ARK2N: variants seen among roughly 807,000 people sequenced by gnomAD.
The protein encoded by ARK2N is protein ARK2N.
chr18:46,193,811 C>A, the ARK2N span, among the ~76,000 whole-genome samples: 1 of 151,870 alleles, frequency 6.6e-6, no homozygotes, highest in Non-Finnish European at 1.5e-5. Flanking sequence ...GTTGGCCAGA[C>A]TGGTCTTGAA....
At chr18:46,210,152 CTG>C in the ARK2N span, among the ~76,000 whole-genome samples, 2 of 152,136 alleles carry the variant, frequency 1.3e-5, no homozygotes, top group African/African-American at 4.8e-5. Flanking sequence ...AGGAGAAAGA[CTG>C]AGTTTGAAGA....
chr18:46,235,416 G>A, the ARK2N span, among the ~76,000 whole-genome samples: 9 of 152,182 alleles, frequency 5.9e-5, no homozygotes, highest in Non-Finnish European at 5.9e-5. Context: ...ACATGCAAAA[G>A]TAAGCAAACA....
the ARK2N span, among the ~76,000 whole-genome samples, chr18:46,204,908 C>CTTTCT: frequency 2.0e-5 from 3 of 148,698 alleles, no homozygotes; most frequent in East Asian, 2.0e-4. Flanking sequence ...TTTTTCCCTG[C>CTTTCT]TTTCTTTTCT....
chr18:46,265,790 T>A, the ARK2N span: 1 of 152,372 alleles, frequency 6.6e-6, no homozygotes, highest in Non-Finnish European at 1.5e-5. Flanking sequence ...TTTAAAGGGG[T>A]TTTTCTTAAT....
At chr18:46,221,275 G>A in the ARK2N span, among the ~76,000 whole-genome samples, 1 of 150,898 alleles carries the variant, frequency 6.6e-6, no homozygotes, top group Admixed American at 6.6e-5. Flanking sequence ...TGCTGGTGTG[G>A]TGTCTCATGC....
At chr18:46,252,267 GT>G in the ARK2N span, among the ~76,000 whole-genome samples, 180 of 151,214 alleles carry the variant, frequency 1.2e-3, 4 homozygotes, top group East Asian at 0.033. Flanking sequence ...AGAGTTGCAT[GT>G]AAAATTTTCT....
At chr18:46,265,326 A>G in the ARK2N span, 2 of 152,624 alleles carry the variant, frequency 1.3e-5, no homozygotes, top group African/African-American at 2.4e-5. Flanking sequence ...TGTTAACCAC[A>G]TATTTTTTTT....
chr18:46,187,967 C>T, the ARK2N span, among the ~76,000 whole-genome samples: 1 of 152,178 alleles, frequency 6.6e-6, no homozygotes, highest in Admixed American at 6.6e-5. Flanking sequence ...TGCTTAATAA[C>T]TCCCTCTTCC....
the ARK2N span, among the ~76,000 whole-genome samples, chr18:46,175,227 G>A: frequency 6.6e-6 from 1 of 150,824 alleles, no homozygotes; most frequent in Non-Finnish European, 1.5e-5. Context: ...TTTCTGTTTG[G>A]ATGGGTTTTT....
the ARK2N span, among the ~76,000 whole-genome samples, chr18:46,237,805 A>AC: frequency 2.6e-5 from 4 of 152,218 alleles, no homozygotes; most frequent in African/African-American, 9.6e-5. Flanking sequence ...TGGAAGGACA[A>AC]CCATTTCATT....
the ARK2N span, among the ~76,000 whole-genome samples, chr18:46,207,014 A>G: frequency 6.6e-5 from 10 of 152,162 alleles, no homozygotes; most frequent in Middle Eastern, 3.4e-3. Context: ...GGATTCAAGC[A>G]ATCCTCCCAC....
At chr18:46,234,498 T>C in the ARK2N span, among the ~76,000 whole-genome samples, 1 of 152,026 alleles carries the variant, frequency 6.6e-6, no homozygotes, top group African/African-American at 2.4e-5. Context: ...GTGCCCGGCC[T>C]CATTTGTAAA....
the ARK2N span, chr18:46,265,384 T>C: frequency 6.6e-6 from 1 of 152,636 alleles, no homozygotes; most frequent in Non-Finnish European, 1.5e-5. Context: ...ATTTTCTTCA[T>C]AGTCCCTAAT....
chr18:46,175,137 C>T, the ARK2N span, among the ~76,000 whole-genome samples: 58 of 151,076 alleles, frequency 3.8e-4, no homozygotes, highest in African/African-American at 1.4e-3. Context: ...CCCCCGTCCC[C>T]GGCAGCCCCC....
At chr18:46,193,878 C>T in the ARK2N span, among the ~76,000 whole-genome samples, 2 of 151,992 alleles carry the variant, frequency 1.3e-5, no homozygotes, top group Admixed American at 6.6e-5. Flanking sequence ...GGATTACATG[C>T]GTGAGCCACG....
the ARK2N span, among the ~76,000 whole-genome samples, chr18:46,229,778 A>AT: frequency 3.3e-5 from 5 of 150,416 alleles, no homozygotes; most frequent in African/African-American, 9.8e-5. Flanking sequence ...TAATTTTCTT[A>AT]TTTTTTGCAA....
chr18:46,195,887 T>C, the ARK2N span, among the ~76,000 whole-genome samples: 8 of 152,208 alleles, frequency 5.3e-5, no homozygotes, highest in African/African-American at 1.9e-4. Context: ...AGATAAACTT[T>C]TGAAGAAACC....
At chr18:46,259,905 G>T in the ARK2N span, among the ~76,000 whole-genome samples, 2 of 144,556 alleles carry the variant, frequency 1.4e-5, 1 homozygote, top group African/African-American at 5.0e-5. Context: ...GTGTGCGACA[G>T]AGATGGGGTT....
the ARK2N span, chr18:46,253,617 A>G: frequency 2.7e-6 from 4 of 1,496,864 alleles, no homozygotes; most frequent in African/African-American, 1.4e-5. Context: ...CTAGATGACA[A>G]ATCTGTCAAT....
Sources: allele counts gnomAD v4.1 joint callset (sites outside exome capture counted in the v4.1 genomes callset), GRCh38; gene constraint gnomAD v4.1.1; transcripts MANE v1.5; gene names NCBI Gene and HGNC (gene_info 2026-07-23, HGNC 2026-07-21).